The following PTPRD variants were observed in gnomAD, a reference collection of about 807,000 sequenced individuals.
PTPRD encodes receptor-type tyrosine-protein phosphatase delta.
PTPRD carries 34 observed loss-of-function variants against 214.5 expected under a neutral mutation model. The ratio of observed to expected loss-of-function variants is 0.16; its 90% confidence interval spans 0.12 to 0.21. PTPRD has a LOEUF of 0.21. PTPRD is among the 10% of genes least tolerant of loss of function. The pLI is 1.00. For missense variants in PTPRD, 2,545 were observed against 2,398.7 expected (o/e 1.06, Z -1.27); for synonymous variants, 1,128 against 845.7 (o/e 1.33, Z -5.79).
At chr9:8,981,077 T>C (rs1309818029) in intron 11 of PTPRD, among the ~76,000 whole-genome samples, 2 of 152,106 alleles carry the variant, frequency 1.3e-5, no homozygotes, top group Non-Finnish European at 2.9e-5. Flanking sequence ...ACGGAATTTC[T>C]TATCTTTCTT....
At chr9:9,101,032 T>C (rs542081365) in intron 10 of PTPRD, among the ~76,000 whole-genome samples, 6 of 152,008 alleles carry the variant, frequency 3.9e-5, no homozygotes, top group East Asian at 3.9e-4. Flanking sequence ...ATAAAGAAGA[T>C]AAAAATGTTT....
At chr9:8,951,406 T>G (rs748795842) in intron 11 of PTPRD, among the ~76,000 whole-genome samples, 3 of 150,998 alleles carry the variant, frequency 2.0e-5, no homozygotes, top group Non-Finnish European at 4.4e-5. Flanking sequence ...CTCCTTAACA[T>G]GTAGGTTATC....
intron 11 of PTPRD, among the ~76,000 whole-genome samples, chr9:8,750,654 G>A (rs1697965982): frequency 6.6e-6 from 1 of 152,200 alleles, no homozygotes; most frequent in African/African-American, 2.4e-5. Context: ...AGCTTCCCAT[G>A]TGAAGGCACA....
At chr9:9,970,521 A>G (rs570054416) in intron 4 of PTPRD, among the ~76,000 whole-genome samples, 1 of 152,068 alleles carries the variant, frequency 6.6e-6, no homozygotes, top group African/African-American at 2.4e-5. Flanking sequence ...ACAGTCAGAC[A>G]TGGCTCTTAG....
intron 5 of PTPRD, among the ~76,000 whole-genome samples, chr9:9,831,206 T>C (rs767711118): frequency 2.6e-5 from 4 of 151,902 alleles, no homozygotes; most frequent in Non-Finnish European, 5.9e-5. Flanking sequence ...CTGGATAGCA[T>C]AAATACAGTG....
Position 8,929,780 on chromosome 9 carries a change from G to GTATATATGTGTATATATAT in PTPRD, c.-104+88916_-104+88917insATATATATACACATATATA, listed in dbSNP as rs1272978143. On this transcript the variant is annotated intron_variant, in intron 11 of 45. Transcript: ENST00000381196. The stretch of plus-strand genomic sequence containing the variant: ...ATGTATATATATGTGTATATATATG[G>GTATATATGTGTATATATAT]GTGTGTATATATGTGTGTGTATATA... Among the ~76,000 whole-genome samples, 67 of 82,374 alleles carry GTATATATGTGTATATATAT rather than the reference G, an allele frequency of 8.1e-4. 2 individuals carry two copies. Among genetic ancestry groups the GTATATATGTGTATATATAT allele is most frequent in the African/African-American group, 2.7e-3 (47 of 17,250 alleles). 54.0% of individuals were successfully genotyped at this position (82,374 alleles called of 152,430 possible).
At chr9:9,859,682 AACTTAGTTAAT>A (rs1490328961) in intron 5 of PTPRD, among the ~76,000 whole-genome samples, 12 of 152,320 alleles carry the variant, frequency 7.9e-5, no homozygotes, top group African/African-American at 2.9e-4. Flanking sequence ...CAATTCTGTG[AACTTAGTTAAT>A]GCTCCTGAGA....
At chr9:9,457,455 A>G (rs1359056277) in intron 8 of PTPRD, among the ~76,000 whole-genome samples, 2 of 151,954 alleles carry the variant, frequency 1.3e-5, no homozygotes, top group East Asian at 1.9e-4. Flanking sequence ...TCTGTGTTCT[A>G]TATTTCAGTG....
chr9:10,150,990 G>C (rs1039320103), intron 3 of PTPRD, among the ~76,000 whole-genome samples: 10 of 151,606 alleles, frequency 6.6e-5, no homozygotes, highest in Admixed American at 3.9e-4. Flanking sequence ...TGTATGAGGT[G>C]AGTTGTGGAT....
chr9:10,371,036 A>G (rs2097602741), intron 2 of PTPRD, among the ~76,000 whole-genome samples: 1 of 152,066 alleles, frequency 6.6e-6, no homozygotes, highest in Non-Finnish European at 1.5e-5. Flanking sequence ...ATTTAAAGTT[A>G]TAATGAAAAG....
At chr9:9,981,821 T>G (rs1566909465) in intron 4 of PTPRD, among the ~76,000 whole-genome samples, 1 of 152,332 alleles carries the variant, frequency 6.6e-6, no homozygotes, top group East Asian at 1.9e-4. Context: ...AACTATCATC[T>G]AAAATCATAT....
intron 11 of PTPRD, among the ~76,000 whole-genome samples, chr9:8,855,367 T>C (rs1431936108): frequency 1.3e-5 from 2 of 152,150 alleles, no homozygotes; most frequent in Non-Finnish European, 2.9e-5. Context: ...TCTATGGTTA[T>C]CTACTCTAAC....
intron 11 of PTPRD, among the ~76,000 whole-genome samples, chr9:8,747,695 C>T (rs1014371919): frequency 7.2e-5 from 11 of 152,172 alleles, no homozygotes; most frequent in African/African-American, 1.7e-4. Flanking sequence ...GGCTAGCCAC[C>T]GAAGAAGGAA....
intron 4 of PTPRD, among the ~76,000 whole-genome samples, chr9:9,973,262 A>G (rs1402166037): frequency 6.6e-6 from 1 of 150,472 alleles, no homozygotes; most frequent in Non-Finnish European, 1.5e-5. Context: ...CAGGAATTTG[A>G]GACTAGCCTA....
At chr9:8,572,521 T>A (rs1163802649) in intron 14 of PTPRD, among the ~76,000 whole-genome samples, 1 of 152,042 alleles carries the variant, frequency 6.6e-6, no homozygotes, top group Non-Finnish European at 1.5e-5. Flanking sequence ...TATAAAACTA[T>A]TTTTAAAATA....
chr9:8,831,330 A>C (rs753436737), intron 11 of PTPRD, among the ~76,000 whole-genome samples: 5 of 152,210 alleles, frequency 3.3e-5, no homozygotes, highest in Admixed American at 6.5e-5. Flanking sequence ...GAGTTGGTTA[A>C]AAATTTAAAA....
chr9:8,629,645 G>A (rs1332474511), intron 14 of PTPRD, among the ~76,000 whole-genome samples: 2 of 151,750 alleles, frequency 1.3e-5, no homozygotes, highest in Admixed American at 1.3e-4. Context: ...GTTCTGCTTA[G>A]GATGGGAAAA....
chr9:9,840,443 G>T (rs1018293574), intron 5 of PTPRD, among the ~76,000 whole-genome samples: 2 of 151,986 alleles, frequency 1.3e-5, no homozygotes, highest in African/African-American at 4.8e-5. Flanking sequence ...TTTTCAGAGG[G>T]TATAAAACAA....
At chr9:8,920,012 TAAC>T (rs1257663369) in intron 11 of PTPRD, among the ~76,000 whole-genome samples, 1 of 143,922 alleles carries the variant, frequency 6.9e-6, no homozygotes, top group East Asian at 2.0e-4. Flanking sequence ...TATATAATGT[TAAC>T]AAGATGACAT....
Sources: gnomAD v4.1 joint callset for allele counts (sites outside exome capture counted in the v4.1 genomes callset) on GRCh38, gnomAD v4.1.1 for gene constraint, MANE v1.5 for transcripts, NCBI Gene and HGNC (gene_info 2026-07-23, HGNC 2026-07-21) for gene names.